The following PLXNA2 variants were observed in gnomAD, a reference collection of about 807,000 sequenced individuals.
PLXNA2 encodes the protein plexin A2, also known as plexin-A2.
A neutral mutation model predicts 193.5 loss-of-function variants in PLXNA2; 91 were observed. The observed-to-expected ratio is 0.47, with a 90% CI of 0.40 to 0.56. The LOEUF is 0.56. Among genes scored for constraint, PLXNA2 ranks in the 20% least tolerant of loss-of-function variants. The pLI is 0.00. For synonymous variants in PLXNA2, 997 were observed against 1,027.3 expected (o/e 0.97, Z 0.56); for missense variants, 1,995 against 2,503.2 (o/e 0.80, Z 4.33).
At chr1:208,146,598 CTG>C (rs1043111638) in intron 3 of PLXNA2, among the ~76,000 whole-genome samples, 2 of 152,196 alleles carry the variant, frequency 1.3e-5, no homozygotes, top group African/African-American at 4.8e-5. Context: ...AAGCTGTCCT[CTG>C]TCTTTGCCAG....
chr1:208,055,338 C>T (rs1400419545), intron 13 of PLXNA2, among the ~76,000 whole-genome samples: 1 of 152,150 alleles, frequency 6.6e-6, no homozygotes, highest in Non-Finnish European at 1.5e-5. Flanking sequence ...CGCCTGAGAA[C>T]AGTTACACAA....
At chr1:208,167,879 C>T (rs994617753) in intron 3 of PLXNA2, among the ~76,000 whole-genome samples, 2 of 152,192 alleles carry the variant, frequency 1.3e-5, no homozygotes, top group South Asian at 2.1e-4. Context: ...GCATGCTGAC[C>T]CCCCATTTGC....
intron 4 of PLXNA2, among the ~76,000 whole-genome samples, chr1:208,112,689 G>A (rs1667519331): frequency 6.6e-6 from 1 of 152,130 alleles, no homozygotes; most frequent in African/African-American, 2.4e-5. Flanking sequence ...ATGACATGGG[G>A]AGAATTATGT....
intron 13 of PLXNA2, among the ~76,000 whole-genome samples, chr1:208,058,654 C>T (rs753608740): frequency 4.6e-5 from 7 of 152,142 alleles, no homozygotes; most frequent in Non-Finnish European, 7.3e-5. Flanking sequence ...TACCCCATAC[C>T]TGAAGTGGTG....
chr1:208,159,314 T>C (rs912104153), intron 3 of PLXNA2, among the ~76,000 whole-genome samples: 2 of 152,242 alleles, frequency 1.3e-5, no homozygotes, highest in Non-Finnish European at 2.9e-5. Flanking sequence ...CTAATTTTTC[T>C]TTTTTGATCT....
At chr1:208,178,597 C>G (rs1029528707) in intron 3 of PLXNA2, among the ~76,000 whole-genome samples, 1 of 152,218 alleles carries the variant, frequency 6.6e-6, no homozygotes, top group Non-Finnish European at 1.5e-5. Context: ...AGCACTCCCC[C>G]ATCTCACACT....
chr1:208,047,356 C>CCCTAACCCTGCACTGGGACAGA (rs1450430043), intron 17 of PLXNA2, among the ~76,000 whole-genome samples: 1 of 152,244 alleles, frequency 6.6e-6, no homozygotes, highest in Non-Finnish European at 1.5e-5. Flanking sequence ...ACACAGAGTT[C>CCCTAACCCTGCACTGGGACAGA]ATGATATCTT....
intron 12 of PLXNA2, among the ~76,000 whole-genome samples, chr1:208,061,409 G>A (rs1665616139): frequency 6.6e-6 from 1 of 152,184 alleles, no homozygotes; most frequent in Admixed American, 6.5e-5. Flanking sequence ...AGTCGAGGAT[G>A]AGATAAAGGC....
intron 13 of PLXNA2, among the ~76,000 whole-genome samples, chr1:208,056,574 C>T (rs1385637565): frequency 1.3e-5 from 2 of 152,198 alleles, no homozygotes; most frequent in Non-Finnish European, 2.9e-5. Context: ...GGCACACTGT[C>T]TCTTCTAGGA....
chr1:208,055,788 C>T (rs1665411745), intron 13 of PLXNA2, among the ~76,000 whole-genome samples: 1 of 152,220 alleles, frequency 6.6e-6, no homozygotes, highest in Non-Finnish European at 1.5e-5. Flanking sequence ...CATGCTCACA[C>T]ACATGGCACG....
chr1:208,063,244 T>A (rs1188065575), intron 12 of PLXNA2, among the ~76,000 whole-genome samples: 1 of 152,250 alleles, frequency 6.6e-6, no homozygotes, highest in Non-Finnish European at 1.5e-5. Context: ...GCAGGTAGCA[T>A]GTGGGGACCG....
chr1:208,134,289 C>G (rs1668241020), intron 4 of PLXNA2, among the ~76,000 whole-genome samples: 1 of 152,118 alleles, frequency 6.6e-6, no homozygotes, highest in South Asian at 2.1e-4. Flanking sequence ...CCCTATCAGC[C>G]TCTTTGTTCC....
intron 12 of PLXNA2, among the ~76,000 whole-genome samples, chr1:208,063,358 A>G (rs1665677578): frequency 6.6e-6 from 1 of 152,222 alleles, no homozygotes; most frequent in Non-Finnish European, 1.5e-5. Context: ...TCAGTGGCAG[A>G]CACATGGTCG....
intron 2 of PLXNA2, among the ~76,000 whole-genome samples, chr1:208,213,753 T>C (rs2102605727): frequency 6.6e-6 from 1 of 152,182 alleles, no homozygotes; most frequent in East Asian, 1.9e-4. Context: ...TTCTTTGGAG[T>C]ATCAGGGTCT....
intron 1 of PLXNA2, among the ~76,000 whole-genome samples, chr1:208,235,978 T>C (rs958134897): frequency 1.3e-5 from 2 of 151,826 alleles, no homozygotes; most frequent in African/African-American, 2.4e-5. Flanking sequence ...TCACAGAGAG[T>C]GAAGGGACTT....
At chr1:208,161,734 ACT>A (rs1669111816) in intron 3 of PLXNA2, among the ~76,000 whole-genome samples, 1 of 151,972 alleles carries the variant, frequency 6.6e-6, no homozygotes, top group Admixed American at 6.5e-5. Flanking sequence ...TGGTCCTGTT[ACT>A]CTCAGAGATA....
At chr1:208,169,383 T>G (rs1163042644) in intron 3 of PLXNA2, among the ~76,000 whole-genome samples, 1 of 152,156 alleles carries the variant, frequency 6.6e-6, no homozygotes, top group Non-Finnish European at 1.5e-5. Flanking sequence ...CCATCAGCCT[T>G]GTCTGTGGGC....
intron 4 of PLXNA2, among the ~76,000 whole-genome samples, chr1:208,108,251 A>G (rs1667338350): frequency 1.3e-5 from 2 of 152,120 alleles, no homozygotes; most frequent in South Asian, 4.2e-4. Context: ...CAGTGGGGAC[A>G]AGTCACTGAG....
intron 4 of PLXNA2, among the ~76,000 whole-genome samples, chr1:208,119,396 C>G (rs1667738057): frequency 6.6e-6 from 1 of 152,196 alleles, no homozygotes; most frequent in South Asian, 2.1e-4. Context: ...TGTCCCTGAT[C>G]CAAAGCAAAC....
Sources: gnomAD v4.1 joint callset for allele counts (sites outside exome capture counted in the v4.1 genomes callset) on GRCh38, gnomAD v4.1.1 for gene constraint, MANE v1.5 for transcripts, NCBI Gene and HGNC (gene_info 2026-07-23, HGNC 2026-07-21) for gene names.